The following IGSF21 variants were observed in gnomAD, a reference collection of about 807,000 sequenced individuals.
IGSF21 encodes immunoglobulin superfamily member 21.
A neutral mutation model predicts 46.8 loss-of-function variants in IGSF21; 28 were observed. The ratio of observed to expected loss-of-function variants is 0.60; its 90% CI spans 0.44 to 0.82. The LOEUF is 0.82. IGSF21 is among the 40% of genes least tolerant of loss of function. The pLI is 0.00. For missense variants in IGSF21, 624 were observed against 665.5 expected, an observed-to-expected ratio of 0.94 and a Z score of 0.69; for synonymous variants, 284 against 273.6, an observed-to-expected ratio of 1.04 and a Z score of -0.38.
intron 3 of IGSF21, among the ~76,000 whole-genome samples, chr1:18,297,882 C>T (rs554265734): frequency 5.3e-5 from 8 of 151,956 alleles, no homozygotes; most frequent in East Asian, 1.9e-4. Flanking sequence ...CCCATGGATC[C>T]GGAAGGCCAA....
At chr1:18,287,719 G>A (rs1253357256) in intron 2 of IGSF21, among the ~76,000 whole-genome samples, 1 of 152,052 alleles carries the variant, frequency 6.6e-6, no homozygotes. Context: ...ACTCACTCAG[G>A]GCATCCCTGC....
At chr1:18,281,506 C>T (rs1172440640) in intron 2 of IGSF21, among the ~76,000 whole-genome samples, 2 of 150,164 alleles carry the variant, frequency 1.3e-5, no homozygotes, top group African/African-American at 4.9e-5. Flanking sequence ...ACGGAGGTTG[C>T]AGTGAGCTGA....
At position 18,322,962 on chromosome 1, in the gene IGSF21, C is replaced by T. The variant is rs1022886355; in HGVS notation, c.306-11930C>T. 3.3e-5 allele frequency among the ~76,000 whole-genome samples: 5 copies of T among 152,044 alleles called. No individual in the cohort carries two copies. Among genetic ancestry groups the T allele is most frequent in the East Asian group, 3.9e-4 (2 of 5,168 alleles). Reference sequence around the variant, plus strand: ...AAGATGGAGGGTGGGAATGGGGAAGCGGGTTCAGGGCCCAAGGTGAACAGC... The same window carrying T: ...AAGATGGAGGGTGGGAATGGGGAAGTGGGTTCAGGGCCCAAGGTGAACAGC... On this transcript the variant is annotated intron_variant, in intron 3 of 9. Transcript: ENST00000251296. This position sits in a 1 kb window ranked among gnomAD's most constrained non-coding sequence, Gnocchi z 4.3.
chr1:18,319,927 C>T (rs943932685), intron 3 of IGSF21, among the ~76,000 whole-genome samples: 1 of 152,178 alleles, frequency 6.6e-6, no homozygotes, highest in Non-Finnish European at 1.5e-5. Flanking sequence ...AATACGAGTT[C>T]TATGAGGTCA....
chr1:18,266,246 G>C (rs183723162), intron 2 of IGSF21, among the ~76,000 whole-genome samples: 1 of 152,284 alleles, frequency 6.6e-6, no homozygotes, highest in African/African-American at 2.4e-5. Flanking sequence ...GGTCAGAGAG[G>C]CTAGGTAACT....
intron 1 of IGSF21, among the ~76,000 whole-genome samples, chr1:18,212,911 C>T (rs565801101): frequency 6.6e-6 from 1 of 152,354 alleles, no homozygotes; most frequent in Non-Finnish European, 1.5e-5. Context: ...AGGGTGACCA[C>T]AGGCTGTCAG....
intron 2 of IGSF21, among the ~76,000 whole-genome samples, chr1:18,256,813 G>A (rs542525739): frequency 6.6e-6 from 1 of 152,264 alleles, no homozygotes; most frequent in African/African-American, 2.4e-5. Flanking sequence ...TTTTCCATCC[G>A]CTAGCCTAAT....
At chr1:18,291,564 C>G (rs1217462935) in intron 2 of IGSF21, among the ~76,000 whole-genome samples, 1 of 152,200 alleles carries the variant, frequency 6.6e-6, no homozygotes, top group Non-Finnish European at 1.5e-5. Context: ...CCTTTCTTCT[C>G]CAGGTGCTGT....
intron 1 of IGSF21, among the ~76,000 whole-genome samples, chr1:18,147,098 C>A (rs915308317): frequency 2.7e-4 from 41 of 152,202 alleles, no homozygotes; most frequent in Non-Finnish European, 4.3e-4. Flanking sequence ...ACCACGTGTC[C>A]ACGCCTGCCA....
chr1:18,157,814 A>G, intron 1 of IGSF21, among the ~76,000 whole-genome samples: 1 of 152,080 alleles, frequency 6.6e-6, no homozygotes, highest in East Asian at 1.9e-4. Context: ...TTGCTGGATG[A>G]GTCTTGGAGG....
At chr1:18,291,402 T>C (rs1198688006) in intron 2 of IGSF21, among the ~76,000 whole-genome samples, 1 of 152,212 alleles carries the variant, frequency 6.6e-6, no homozygotes, top group Non-Finnish European at 1.5e-5. Context: ...CCCTTTCGAT[T>C]CATCCTCAAT....
intron 4 of IGSF21, among the ~76,000 whole-genome samples, chr1:18,356,588 T>C (rs1038541549): frequency 4.6e-5 from 7 of 152,264 alleles, no homozygotes; most frequent in African/African-American, 1.7e-4. Flanking sequence ...GATATCTGTG[T>C]TCACAGCTGA....
intron 4 of IGSF21, among the ~76,000 whole-genome samples, chr1:18,347,071 A>T (rs1049804628): frequency 6.6e-6 from 1 of 152,146 alleles, no homozygotes; most frequent in Non-Finnish European, 1.5e-5. Context: ...TTTTGAAGCT[A>T]ACTGGGTCAT....
intron 4 of IGSF21, among the ~76,000 whole-genome samples, chr1:18,360,471 G>C (rs867435412): frequency 3.9e-5 from 6 of 152,284 alleles, no homozygotes; most frequent in Middle Eastern, 6.8e-3. Flanking sequence ...TGCTTCACCT[G>C]TTTCATCATT....
chr1:18,124,290 T>C (rs1351153530), intron 1 of IGSF21, among the ~76,000 whole-genome samples: 1 of 152,238 alleles, frequency 6.6e-6, no homozygotes, highest in Non-Finnish European at 1.5e-5. Context: ...CCCCAAGCAC[T>C]GTGACAAGCT....
At chr1:18,241,994 A>G (rs207460042) in intron 2 of IGSF21, among the ~76,000 whole-genome samples, 1 of 151,802 alleles carries the variant, frequency 6.6e-6, no homozygotes, top group African/African-American at 2.4e-5. Context: ...TCCGTGGGGG[A>G]GAGATGGAGA....
rs896659493 is a variant in IGSF21 at position 18,322,806 on chromosome 1, A to T, written c.306-12086A>T. Among the ~76,000 whole-genome samples the T allele has an allele frequency of 1.3e-5, 2 of 152,036 alleles. No homozygotes were observed. Among genetic ancestry groups the T allele is most frequent in the Non-Finnish European group, 2.9e-5 (2 of 67,996 alleles). On this transcript the variant is annotated intron_variant, in intron 3 of 9. Coordinates refer to ENST00000251296, the MANE Select transcript of IGSF21 (RefSeq NM_032880.5). The surrounding 1 kb of genome is among the most constrained non-coding windows in gnomAD (Gnocchi z 4.3). ...GGACCTGGAGGAGGAAGTGGTTTCC[A>T]TGGCAGCAGCCAGAGTCTGGAAAAG... is the stretch of plus-strand genomic sequence containing the variant.
chr1:18,354,726 G>T (rs1207649096), intron 4 of IGSF21, among the ~76,000 whole-genome samples: 1 of 152,208 alleles, frequency 6.6e-6, no homozygotes, highest in African/African-American at 2.4e-5. Context: ...CAATGAGCTG[G>T]AGAGATTTTC....
rs57257675 is a variant in IGSF21 at position 18,194,554 on chromosome 1, G to C, written c.71-33344G>C. Reference sequence around the variant, plus strand: ...TTGGTTTGTGGATGCCTTGCTCCAAGCTCTGCCTCTGTGGTCACACAGCCA... The same window carrying C: ...TTGGTTTGTGGATGCCTTGCTCCAACCTCTGCCTCTGTGGTCACACAGCCA... On this transcript the variant is annotated intron_variant, in intron 1 of 9. Coordinates refer to ENST00000251296, the MANE Select transcript of IGSF21 (RefSeq NM_032880.5). Among the ~76,000 whole-genome samples the C allele has an allele frequency of 6.4e-3, 982 of 152,266 alleles. 11 individuals carry two copies. Among genetic ancestry groups the C allele is most frequent in the African/African-American group, 0.022 (919 of 41,564 alleles).
Sources: allele counts gnomAD v4.1 joint callset (sites outside exome capture counted in the v4.1 genomes callset), GRCh38; gene constraint gnomAD v4.1.1; non-coding constraint Gnocchi (gnomAD v3.1); transcripts MANE v1.5; gene names NCBI Gene and HGNC (gene_info 2026-07-23, HGNC 2026-07-21).